The following ELP4 variants were observed in gnomAD, a reference collection of about 807,000 sequenced individuals.
The protein encoded by ELP4 is elongator complex protein 4.
A neutral mutation model predicts 48.9 loss-of-function variants in ELP4; 51 were observed. That is an observed-to-expected ratio of 1.04 (90% CI 0.83 to 1.32). The LOEUF (loss-of-function observed/expected upper bound fraction) is 1.32. Ranked by LOEUF, ELP4 falls within the 40% of genes most tolerant of loss-of-function variation. ELP4 has a pLI of 0.00. For missense variants in ELP4, 519 were observed against 514.6 expected (o/e 1.01, Z -0.08); for synonymous variants, 210 against 189.2 (o/e 1.11, Z -0.90).
chr11:31,663,779 G>T (rs1245525106), intron 9 of ELP4: 1 of 151,864 alleles, frequency 6.6e-6, no homozygotes, highest in Non-Finnish European at 1.5e-5. Context: ...GTTGGTCCTG[G>T]TAAGATTATT....
At chr11:31,764,423 G>A (rs1436004969) in intron 9 of ELP4, among the ~76,000 whole-genome samples, 1 of 152,174 alleles carries the variant, frequency 6.6e-6, no homozygotes, top group South Asian at 2.1e-4. Context: ...TTCATATTGT[G>A]TGAAATTTAA....
At chr11:31,748,904 T>C (rs1947657126) in intron 9 of ELP4, among the ~76,000 whole-genome samples, 1 of 152,146 alleles carries the variant, frequency 6.6e-6, no homozygotes, top group African/African-American at 2.4e-5. Flanking sequence ...GGTGTTTAGG[T>C]CTAGAATGAG....
chr11:31,720,122 C>G (rs1446618388), intron 9 of ELP4, among the ~76,000 whole-genome samples: 3 of 151,724 alleles, frequency 2.0e-5, no homozygotes, highest in Admixed American at 2.0e-4. Flanking sequence ...AAGAGTTAGG[C>G]ACAGATTCTC....
intron 3 of ELP4, among the ~76,000 whole-genome samples, chr11:31,548,661 A>G (rs1358177584): frequency 1.3e-5 from 2 of 152,222 alleles, no homozygotes; most frequent in Non-Finnish European, 2.9e-5. Context: ...GAACCAAAAA[A>G]GAGCCCGCAT....
At chr11:31,767,917 A>T (rs1948072906) in intron 9 of ELP4, 1 of 152,154 alleles carries the variant, frequency 6.6e-6, no homozygotes, top group African/African-American at 2.4e-5. Context: ...CAGTCTGTTC[A>T]CCAAGATCCT....
At chr11:31,637,680 T>A (rs1011714883) in intron 7 of ELP4, among the ~76,000 whole-genome samples, 6 of 151,974 alleles carry the variant, frequency 3.9e-5, no homozygotes, top group Non-Finnish European at 7.4e-5. Context: ...CTTCCATATC[T>A]AGCAAGATAT....
At chr11:31,522,202 GA>G (rs1366817038) in intron 2 of ELP4, among the ~76,000 whole-genome samples, 10 of 152,204 alleles carry the variant, frequency 6.6e-5, no homozygotes, top group Middle Eastern at 3.4e-3. Flanking sequence ...ACATTTTTAA[GA>G]CTATATCTTA....
intron 9 of ELP4, among the ~76,000 whole-genome samples, chr11:31,757,622 C>T (rs896887439): frequency 6.6e-6 from 1 of 152,154 alleles, no homozygotes; most frequent in Non-Finnish European, 1.5e-5. Context: ...CTTCAATGCT[C>T]ATTTTCTGAA....
chr11:31,733,824 C>CA (rs1454966915), intron 9 of ELP4, among the ~76,000 whole-genome samples: 1 of 152,086 alleles, frequency 6.6e-6, no homozygotes, highest in African/African-American at 2.4e-5. Context: ...CAAACTCTTA[C>CA]AAAAAATTGA....
Position 31,611,168 on chromosome 11 carries a change from G to A in ELP4, c.653+7261G>A, listed in dbSNP as rs545850112. Among the ~76,000 whole-genome samples the A allele has an allele frequency of 5.2e-4, 79 of 152,200 alleles. 1 individual carries two copies. The South Asian group carries it at 0.016, about 31-fold the overall frequency. ...TAGCCCTAGTGACTTTTTCAACATA[G>A]TACTGTCCAGTAGAATTTTCTGCAG... On this transcript the variant is annotated intron_variant, in intron 5 of 9. Transcript: ENST00000640961.
At chr11:31,648,085 A>G in intron 8 of ELP4, 1 of 311,600 alleles carries the variant, frequency 3.2e-6, no homozygotes, top group Non-Finnish European at 6.0e-6. Context: ...TGGCTGAGTC[A>G]GGTGTATATT....
intron 3 of ELP4, among the ~76,000 whole-genome samples, chr11:31,545,389 G>A (rs561299104): frequency 6.6e-6 from 1 of 152,200 alleles, no homozygotes; most frequent in South Asian, 2.1e-4. Context: ...TATCAGCGAT[G>A]GAAGATGAAA....
chr11:31,748,243 C>CT (rs374889218), intron 9 of ELP4, among the ~76,000 whole-genome samples: 5,193 of 130,536 alleles, frequency 0.04, 151 homozygotes, highest in South Asian at 0.047. Context: ...AAACCAAGAT[C>CT]TTTTTTTTTT....
intron 9 of ELP4, among the ~76,000 whole-genome samples, chr11:31,742,479 A>T (rs1158620739): frequency 2.6e-5 from 4 of 152,196 alleles, no homozygotes; most frequent in Admixed American, 2.0e-4. Flanking sequence ...TGAAGGAAAA[A>T]ATGTTAAGGG....
chr11:31,675,642 A>C (rs989380445), intron 9 of ELP4, among the ~76,000 whole-genome samples: 7 of 152,166 alleles, frequency 4.6e-5, no homozygotes, highest in Admixed American at 2.6e-4. Context: ...TGCAAATGCT[A>C]TACATGGTTT....
intron 1 of ELP4, 67 bp downstream of exon 1, chr11:31,510,074 C>A (rs1350536473): frequency 1.4e-6 from 2 of 1,429,898 alleles, no homozygotes; most frequent in Non-Finnish European, 1.9e-6. Context: ...GTCGGGGAAG[C>A]CACTTTGACC....
At chr11:31,518,655 G>T (rs1171338315) in intron 1 of ELP4, among the ~76,000 whole-genome samples, 1 of 151,588 alleles carries the variant, frequency 6.6e-6, no homozygotes, top group Non-Finnish European at 1.5e-5. Context: ...TCACCACTTT[G>T]GGAAGTCCAG....
At chr11:31,734,238 G>T (rs571995254) in intron 9 of ELP4, among the ~76,000 whole-genome samples, 76 of 152,274 alleles carry the variant, frequency 5.0e-4, no homozygotes, top group African/African-American at 1.7e-3. Flanking sequence ...GACCATATAT[G>T]AGAAGCCCAC....
chr11:31,538,335 C>A (rs939196042), intron 2 of ELP4, among the ~76,000 whole-genome samples: 16 of 147,710 alleles, frequency 1.1e-4, no homozygotes, highest in African/African-American at 3.4e-4. Flanking sequence ...ATTATAATTA[C>A]TCTATTATAT....
Sources: gnomAD v4.1 joint callset for allele counts (sites outside exome capture counted in the v4.1 genomes callset) on GRCh38, gnomAD v4.1.1 for gene constraint, MANE v1.5 for transcripts, NCBI Gene and HGNC (gene_info 2026-07-23, HGNC 2026-07-21) for gene names.